Variants in C16orf96 observed in about 807,000 individuals in gnomAD.
C16orf96 encodes the protein uncharacterized protein C16orf96.
C16orf96 carries 108 observed loss-of-function variants against 103.6 expected under a neutral mutation model. The observed-to-expected ratio is 1.04, with a 90% CI of 0.89 to 1.22. The LOEUF is 1.22. Ranked by LOEUF, C16orf96 falls within the 50% of genes most tolerant of loss-of-function variation. The pLI is 0.00. For missense variants in C16orf96, 1,586 were observed against 1,464.2 expected (o/e 1.08, Z -1.36); for synonymous variants, 566 against 593.5 (o/e 0.95, Z 0.67).
intron 1 of C16orf96, among the ~76,000 whole-genome samples, chr16:4,567,426 C>G (rs1000822733): frequency 3.3e-5 from 5 of 150,082 alleles, no homozygotes; most frequent in Admixed American, 1.3e-4. Flanking sequence ...TGGGACTACA[C>G]GTGCCCGCCA....
chr16:4,587,249 C>T (rs1263122683), intron 8 of C16orf96, 136 bp downstream of exon 8: 15 of 819,892 alleles, frequency 1.8e-5, no homozygotes, highest in Non-Finnish European at 2.5e-5. Flanking sequence ...GTTGGCTGGG[C>T]GCAGTGGCTC....
chr16:4,599,755 CAG>C (rs1289313569), intron 15 of C16orf96, among the ~76,000 whole-genome samples: 9 of 152,232 alleles, frequency 5.9e-5, no homozygotes, highest in Non-Finnish European at 1.0e-4. Context: ...GCCCATTTCA[CAG>C]AGGAGGGAGC....
In C16orf96 at chr16:4,576,013, T is replaced by C. The variant is rs1245135436; in HGVS notation, c.1533T>C (p.Asp511=). The change falls in exon 5 of 16, where the codon GAT becomes GAC. Residue 511 remains aspartate, a synonymous_variant. Transcript: ENST00000444310. ...CTCACAAGGATGATGTCCCCAAAGA[T>C]AGAGGTGGCAAGGATGTGGACCCCA... is the stretch of plus-strand genomic sequence containing the variant. ...DRAHKDDVPK[D]RGGKDVDPKD... is the part of the protein sequence containing the mutation. The C allele has an allele frequency of 6.5e-7, 1 of 1,549,826 alleles. No individual in the cohort carries two copies. The highest frequency in any genetic ancestry group is 8.7e-7 in the Non-Finnish European group (1 of 1,146,462).
chr16:4,576,019 T>G lies in C16orf96; in HGVS notation c.1539T>G (p.Gly513=), dbSNP rs1250573351. The G allele has an allele frequency of 5.8e-6, 9 of 1,550,056 alleles. No individual in the cohort carries two copies. The highest frequency in any genetic ancestry group is 1.7e-4 in the Middle Eastern group (1 of 5,974). Reference sequence around the variant, plus strand: ...AGGATGATGTCCCCAAAGATAGAGGTGGCAAGGATGTGGACCCCAAGGATA... The same window carrying G: ...AGGATGATGTCCCCAAAGATAGAGGGGGCAAGGATGTGGACCCCAAGGATA... The part of the protein sequence containing the change: ...AHKDDVPKDR[G]GKDVDPKDRA... The change falls in exon 5 of 16, where the codon GGT becomes GGG. Residue 513 remains glycine (G), a synonymous_variant. Transcript: ENST00000444310.
In C16orf96 at chr16:4,593,994, C is replaced by T. The variant is rs868272339; in HGVS notation, c.2868-357C>T. ...ACGTCTGGCCAGGTGGGGGAAGAAC[C>T]GGTGAATCGTCACCACAGCCGTGGG... is the stretch of plus-strand genomic sequence containing the variant. On this transcript the variant is annotated intron_variant, in intron 12 of 15. Transcript: ENST00000444310. This position sits in a 1 kb window ranked among gnomAD's most constrained non-coding sequence, Gnocchi z 4.2. 2.6e-5 allele frequency among the ~76,000 whole-genome samples: 4 copies of T among 152,148 alleles called. No homozygotes were observed. Among genetic ancestry groups the T allele is most frequent in the African/African-American group, 7.2e-5 (3 of 41,430 alleles).
intron 6 of C16orf96, 38 bp from the exon 7 acceptor site, chr16:4,579,977 A>G: frequency 6.6e-7 from 1 of 1,515,672 alleles, no homozygotes; most frequent in Non-Finnish European, 9.0e-7. Context: ...GTAACTTCAG[A>G]AGCAGAGGCC....
chr16:4,594,753 T>C lies in C16orf96; in HGVS notation c.3077T>C (p.Val1026Ala), dbSNP rs1309258747. The change falls in exon 14 of 16, where the codon GTG (valine) becomes GCG (alanine). Residue 1026 changes from valine (V) to alanine (A), a missense_variant. Physicochemically the swap from Val to Ala is moderately conservative, Grantham distance 64. Coordinates refer to ENST00000444310, the MANE Select transcript of C16orf96 (RefSeq NM_001145011.2). ...GVDGILYKGRVNSQRGAQPLA... is the reference protein window; with the variant it reads ...GVDGILYKGRANSQRGAQPLA... ...GATGGGATCCTGTACAAAGGCCGCG[T>C]GAACAGCCAGCGTGGGGCTCAGCCC... 1 of 1,550,996 alleles carries C rather than the reference T, an allele frequency of 6.4e-7. No individual in the cohort carries two copies. Among genetic ancestry groups the C allele is most frequent in the South Asian group, 1.2e-5 (1 of 84,038 alleles).
At chr16:4,545,906 A>G in the C16orf96 span, among the ~76,000 whole-genome samples, 238 of 149,898 alleles carry the variant, frequency 1.6e-3, 2 homozygotes, top group East Asian at 0.044. Flanking sequence ...CTGGAGTGCA[A>G]TGGCGCGATC....
upstream of C16orf96, among the ~76,000 whole-genome samples, chr16:4,551,742 G>A (rs909757856): frequency 9.9e-5 from 15 of 152,094 alleles, no homozygotes; most frequent in South Asian, 2.1e-4. Flanking sequence ...TTGAGCCACC[G>A]CGCCTGGCCA....
At chr16:4,572,148 G>A (rs1009019189) in intron 2 of C16orf96, among the ~76,000 whole-genome samples, 1 of 151,560 alleles carries the variant, frequency 6.6e-6, no homozygotes, top group African/African-American at 2.4e-5. Flanking sequence ...ATACCTGGCC[G>A]ACCCCTCCAT....
chr16:4,579,341 T>C (rs1283300547), intron 6 of C16orf96, among the ~76,000 whole-genome samples: 3 of 151,856 alleles, frequency 2.0e-5, no homozygotes, highest in South Asian at 2.1e-4. Context: ...TCACTTGAGC[T>C]CAGGAGTTCA....
rs145922597 is a variant in C16orf96, at chr16:4,595,222, G to A, written c.3127+419G>A. 1.5e-3 allele frequency among the ~76,000 whole-genome samples: 232 copies of A among 152,254 alleles called. 2 individuals carry two copies. The highest frequency in any genetic ancestry group is 5.5e-3 in the African/African-American group (228 of 41,544). ...CGGGTGAGAGGAGAGTGGTCGTGTG[G>A]CAGGAACGGTGGGTGCAAAGGCCCT... On this transcript the variant is annotated intron_variant, in intron 14 of 15. Transcript: ENST00000444310.
chr16:4,551,225 G>A, the C16orf96 span, among the ~76,000 whole-genome samples: 11 of 152,258 alleles, frequency 7.2e-5, no homozygotes, highest in African/African-American at 1.9e-4. Flanking sequence ...AGCTGCGATC[G>A]CACCACTGCA....
rs189110381 is a variant in C16orf96 at position 4,597,928 on chromosome 16, G to T, written c.3128-1356G>T. Among the ~76,000 whole-genome samples, 320 of 152,286 alleles carry T rather than the reference G, an allele frequency of 2.1e-3. 2 individuals are homozygous for T. The highest frequency in any genetic ancestry group is 7.3e-3 in the African/African-American group (302 of 41,552). The stretch of plus-strand genomic sequence containing the variant: ...ATTTATAGCATCTTAAAGCTGAAAA[G>T]TGGTAAGTCAAACCATCATAAATCA... On this transcript the variant is annotated intron_variant, in intron 14 of 15. Transcript: ENST00000444310.
chr16:4,598,563 T>C (rs1367874167), intron 14 of C16orf96, among the ~76,000 whole-genome samples: 1 of 152,034 alleles, frequency 6.6e-6, no homozygotes, highest in Non-Finnish European at 1.5e-5. Context: ...TAAATGCCTC[T>C]GAATTGTGCA....
chr16:4,577,486 T>C (rs2141725127), intron 5 of C16orf96, among the ~76,000 whole-genome samples: 1 of 151,376 alleles, frequency 6.6e-6, no homozygotes, highest in Non-Finnish European at 1.5e-5. Context: ...CCGTCTCTAC[T>C]AAAAATACAA....
chr16:4,574,692 C>G lies in C16orf96; in HGVS notation c.526-17C>G. The G allele has an allele frequency of 6.5e-7, 1 of 1,549,130 alleles. No homozygotes were observed. The highest frequency in any genetic ancestry group is 1.2e-5 in the South Asian group (1 of 83,986). On this transcript the variant is annotated splice_polypyrimidine_tract_variant and intron_variant, in intron 2 of 15. Coordinates refer to ENST00000444310, the MANE Select transcript of C16orf96 (RefSeq NM_001145011.2). The stretch of plus-strand genomic sequence containing the variant: ...AGAACCTGGACCCCCAGTCCACAGA[C>G]TCAGTTCCTTTGACAGGTACACCCA...
At chr16:4,541,829 A>C in the C16orf96 span, among the ~76,000 whole-genome samples, 2 of 152,198 alleles carry the variant, frequency 1.3e-5, no homozygotes, top group Non-Finnish European at 2.9e-5. Flanking sequence ...TATATTAACT[A>C]AGTTGCCTTT....
chr16:4,551,030 T>A, the C16orf96 span, among the ~76,000 whole-genome samples: 1 of 152,170 alleles, frequency 6.6e-6, no homozygotes, highest in African/African-American at 2.4e-5. Context: ...CCCAGGACTT[T>A]GGGAGGCTGA....
Sources: gnomAD v4.1 joint callset for allele counts (sites outside exome capture counted in the v4.1 genomes callset) on GRCh38, gnomAD v4.1.1 for gene constraint, Gnocchi (gnomAD v3.1) non-coding constraint, MANE v1.5 for transcripts, NCBI Gene and HGNC (gene_info 2026-07-23, HGNC 2026-07-21) for gene names.